KAT6A: variants seen among roughly 807,000 people sequenced by gnomAD.
KAT6A encodes histone acetyltransferase KAT6A.
A neutral mutation model predicts 198.4 loss-of-function variants in KAT6A; 9 were observed. The observed-to-expected ratio is 0.05, with a 90% CI of 0.03 to 0.08. KAT6A has a LOEUF of 0.08. Among genes scored for constraint, KAT6A ranks in the 10% least tolerant of loss-of-function variants. The pLI is 1.00. For synonymous variants in KAT6A, 890 were observed against 883.0 expected, an observed-to-expected ratio of 1.01 and a Z score of -0.14; for missense variants, 2,077 against 2,509.9, an observed-to-expected ratio of 0.83 and a Z score of 3.69.
chr8:41,956,982 C>A, intron 8 of KAT6A: 1 of 501,464 alleles, frequency 2.0e-6, no homozygotes, highest in Admixed American at 2.4e-5. Context: ...TAACTAAATA[C>A]CAGAAACCAG....
rs376952242 is a variant in KAT6A at position 41,934,898 on chromosome 8, G to T, written c.3353-31C>A. On this transcript the variant is annotated intron_variant, in intron 16 of 16. Coordinates refer to ENST00000265713, the MANE Select transcript of KAT6A (RefSeq NM_006766.5). ...CAGGAAGGAAAAAAAACAAAGACAG[G>T]TTACAAGGTCTTACATTTTCTAGTT... 69 of 1,524,422 alleles carry T rather than the reference G, an allele frequency of 4.5e-5. No homozygotes were observed. In the African/African-American group the frequency reaches 9.3e-4, roughly 21 times the overall value. 94.4% of individuals were successfully genotyped at this position (1,524,422 alleles called of 1,614,324 possible).
intron 2 of KAT6A, among the ~76,000 whole-genome samples, chr8:42,027,784 C>T (rs1826904061): frequency 6.6e-6 from 1 of 151,446 alleles, no homozygotes; most frequent in Non-Finnish European, 1.5e-5. Context: ...TATTTCTGCT[C>T]CTGCCTTTAT....
At chr8:41,952,393 T>C (rs1015324387) in intron 9 of KAT6A, among the ~76,000 whole-genome samples, 1 of 152,196 alleles carries the variant, frequency 6.6e-6, no homozygotes, top group Admixed American at 6.5e-5. Flanking sequence ...GATCATAATT[T>C]CTTTTGCCTT....
At chr8:42,009,899 A>AAC (rs1308995405) in intron 2 of KAT6A, among the ~76,000 whole-genome samples, 6 of 142,470 alleles carry the variant, frequency 4.2e-5, no homozygotes, top group Non-Finnish European at 7.7e-5. Flanking sequence ...TGTCTCAAAA[A>AAC]AAAAAAAAAA....
At position 41,933,475 on chromosome 8, in the gene KAT6A, G is replaced by C; in HGVS notation, c.4745C>G (p.Ser1582Cys). Residue 1582 changes from serine to cysteine, a missense_variant, in exon 17 of 17, where the codon TCT becomes TGT. This residue lies in a region of KAT6A where 500 missense variants were observed against 577.2 expected (regional missense o/e 0.87). Transcript: ENST00000265713. The surrounding 1 kb of genome is among the most constrained non-coding windows in gnomAD (Gnocchi z 6.2). ...ACCGTAGGAGCAGCTGCTCTGGGAA[G>C]AGCTGTTCCCACAGATGCTGCCGCC... is the stretch of plus-strand genomic sequence containing the variant. Reference protein sequence around the residue: ...TMGGSICGNSSSQSSCSYGGL... With the variant: ...TMGGSICGNSCSQSSCSYGGL... 1 of 1,613,472 alleles carries C rather than the reference G, an allele frequency of 6.2e-7. No homozygotes were observed. The highest frequency in any genetic ancestry group is 1.1e-5 in the South Asian group (1 of 91,042).
At chr8:42,008,440 C>T (rs774175306) in intron 2 of KAT6A, among the ~76,000 whole-genome samples, 14 of 152,208 alleles carry the variant, frequency 9.2e-5, no homozygotes, top group African/African-American at 2.4e-4. Context: ...TGGGTTCAAG[C>T]GATTCTCCTG....
intron 2 of KAT6A, among the ~76,000 whole-genome samples, chr8:42,019,269 A>G (rs1190377516): frequency 6.6e-6 from 1 of 152,200 alleles, no homozygotes; most frequent in Non-Finnish European, 1.5e-5. Flanking sequence ...ATTTTTATAT[A>G]CAACTCCAAG....
At chr8:41,940,229 T>C (rs1389511337) in intron 15 of KAT6A, among the ~76,000 whole-genome samples, 4 of 152,212 alleles carry the variant, frequency 2.6e-5, no homozygotes, top group Admixed American at 1.3e-4. Context: ...ATTATCATCA[T>C]TGTACATTAT....
At position 41,930,729 on chromosome 8, in the gene KAT6A, T is replaced by TGTA. The variant is rs56121933; in HGVS notation, c.*1475_*1476insTAC. On this transcript the variant is annotated 3_prime_UTR_variant, in exon 17 of 17. Coordinates refer to ENST00000265713, the MANE Select transcript of KAT6A (RefSeq NM_006766.5). ...GTGTGTGTATATATATATATATATA[T>TGTA]TTTTTTTTTTTTTTTTTTTTTTTTT... The TGTA allele has an allele frequency of 2.7e-5, 1 of 37,346 alleles. No individual in the cohort carries two copies. 2.3% of individuals were successfully genotyped at this position (37,346 alleles called of 1,614,324 possible).
chr8:42,020,985 A>G (rs1325796281), intron 2 of KAT6A, among the ~76,000 whole-genome samples: 4 of 151,470 alleles, frequency 2.6e-5, no homozygotes, highest in Non-Finnish European at 4.4e-5. Context: ...TGGGGGGGGT[A>G]CTCTGCTTGT....
chr8:41,977,046 C>A lies in KAT6A; in HGVS notation c.1325G>T (p.Arg442Met). 6.2e-7 allele frequency: 1 copy of A among 1,612,102 alleles called. No individual in the cohort carries two copies. The highest frequency in any genetic ancestry group is 8.5e-7 in the Non-Finnish European group (1 of 1,178,622). Residue 442 changes from arginine to methionine, a missense_variant, in exon 7 of 17, where the codon AGG (arginine) becomes ATG (methionine). This residue lies in a region of KAT6A where 206 missense variants were observed against 214.9 expected (regional missense o/e 0.96). Transcript: ENST00000265713. The part of the protein sequence containing the change: ...DYSEQYRIRK[R>M]GNRKSSTSDW... ...TGAAGTGCTTGATTTCCTGTTGCCC[C>A]TCTTTCTGATTCGATATTGCTCAGA... is the stretch of plus-strand genomic sequence containing the variant.
intron 11 of KAT6A, among the ~76,000 whole-genome samples, 166 bp from the exon 12 acceptor site, chr8:41,946,850 T>C (rs147169882): frequency 1.3e-5 from 2 of 152,180 alleles, no homozygotes; most frequent in African/African-American, 2.4e-5. Context: ...TAGGATAATG[T>C]CAAGTCACTG....
intron 14 of KAT6A, among the ~76,000 whole-genome samples, chr8:41,941,664 C>T (rs1822144748): frequency 6.6e-6 from 1 of 151,968 alleles, no homozygotes; most frequent in South Asian, 2.1e-4. Flanking sequence ...GAAGTATTAC[C>T]ACTACAACTC....
chr8:41,971,923 T>C (rs1823814337), intron 8 of KAT6A, among the ~76,000 whole-genome samples: 1 of 152,082 alleles, frequency 6.6e-6, no homozygotes, highest in Non-Finnish European at 1.5e-5. Flanking sequence ...ATGACATCTC[T>C]GTGGGCCTAA....
intron 2 of KAT6A, among the ~76,000 whole-genome samples, chr8:42,034,241 T>G (rs1313957105): frequency 6.6e-6 from 1 of 152,230 alleles, no homozygotes; most frequent in Non-Finnish European, 1.5e-5. Context: ...CAGAATCGCC[T>G]GGAGGACTTA....
intron 2 of KAT6A, 24 bp downstream of exon 2, chr8:42,048,354 C>A (rs1216992472): frequency 3.7e-6 from 6 of 1,608,246 alleles, no homozygotes; most frequent in Middle Eastern, 1.7e-4. Flanking sequence ...GCTCTATAAA[C>A]CCCGAAGCAT....
intron 2 of KAT6A, among the ~76,000 whole-genome samples, chr8:42,040,166 A>G (rs375260498): frequency 1.4e-5 from 2 of 144,764 alleles, no homozygotes; most frequent in Non-Finnish European, 3.0e-5. Flanking sequence ...TAAAACACTT[A>G]AAAAAAAAAG....
In KAT6A at chr8:41,941,083, G is replaced by C. The variant is rs1476909257; in HGVS notation, c.2798C>G (p.Pro933Arg). The change falls in exon 15 of 17, where the codon CCT becomes CGT. Residue 933 changes from proline to arginine, a missense_variant. Physicochemically the swap from Pro to Arg is moderately radical, Grantham distance 103. Coordinates refer to ENST00000265713, the MANE Select transcript of KAT6A (RefSeq NM_006766.5). Reference sequence around the variant, plus strand: ...ACTGAGTCTTCTCTTGGGAAGGTCAGGTTTCCCGTCCTGGCTTGGCTGCTC... The same window carrying C: ...ACTGAGTCTTCTCTTGGGAAGGTCACGTTTCCCGTCCTGGCTTGGCTGCTC... ...SEEQPSQDGK[P>R]DLPKRRLSEG... 6.2e-7 allele frequency: 1 copy of C among 1,614,196 alleles called. No individual in the cohort carries two copies. Among genetic ancestry groups the C allele is most frequent in the Middle Eastern group, 1.6e-4 (1 of 6,062 alleles).
intron 2 of KAT6A, among the ~76,000 whole-genome samples, chr8:42,021,204 T>C (rs1267688365): frequency 1.3e-5 from 2 of 152,232 alleles, no homozygotes; most frequent in African/African-American, 4.8e-5. Context: ...AATGGTTTTA[T>C]GTTATCTGTC....
Sources: allele counts gnomAD v4.1 joint callset (sites outside exome capture counted in the v4.1 genomes callset), GRCh38; gene constraint gnomAD v4.1.1; regional missense constraint gnomAD v4.1.1; non-coding constraint Gnocchi (gnomAD v3.1); transcripts MANE v1.5; gene names NCBI Gene and HGNC (gene_info 2026-07-23, HGNC 2026-07-21).